Variants in LCP1 observed in about 807,000 individuals in gnomAD.
LCP1 encodes the protein plastin-2.
LCP1 carries 23 observed loss-of-function variants against 72.0 expected under a neutral mutation model. The observed-to-expected ratio is 0.32, with a 90% CI of 0.23 to 0.45. LCP1 has a LOEUF of 0.45. LCP1 is among the 20% of genes least tolerant of loss of function. LCP1 has a pLI of 1.00. For synonymous variants in LCP1, 245 were observed against 275.4 expected, an observed-to-expected ratio of 0.89 and a Z score of 1.09; for missense variants, 571 against 748.3, an observed-to-expected ratio of 0.76 and a Z score of 2.76.
chr13:46,143,837 C>G (rs908108191), intron 11 of LCP1, among the ~76,000 whole-genome samples: 14 of 152,146 alleles, frequency 9.2e-5, no homozygotes, highest in Non-Finnish European at 1.6e-4. Context: ...GAGACCAAGG[C>G]GGGTGGATCA....
chr13:46,178,663 T>G (rs1340136496), intron 1 of LCP1, among the ~76,000 whole-genome samples: 1 of 152,242 alleles, frequency 6.6e-6, no homozygotes, highest in African/African-American at 2.4e-5. Context: ...CTAATGTTTA[T>G]TTCTGCAGTG....
At chr13:46,130,676 CAG>C (rs1171249176) in intron 15 of LCP1, 136 bp downstream of exon 15, 1 of 1,022,830 alleles carries the variant, frequency 9.8e-7, no homozygotes, top group Non-Finnish European at 1.4e-6. Flanking sequence ...GATGAGACTG[CAG>C]AAAGTCATGA....
At chr13:46,156,896 A>G (rs2045805123) in intron 4 of LCP1, among the ~76,000 whole-genome samples, 3 of 149,030 alleles carry the variant, frequency 2.0e-5, no homozygotes, top group Middle Eastern at 3.2e-3. Context: ...ATCTCGGCTC[A>G]CTGCAAGCTC....
chr13:46,142,225 A>C, intron 13 of LCP1, 67 bp downstream of exon 13: 1 of 1,524,266 alleles, frequency 6.6e-7, no homozygotes, highest in Admixed American at 1.7e-5. Flanking sequence ...TACTGCTAAA[A>C]ATTTGCTAAT....
intron 1 of LCP1, among the ~76,000 whole-genome samples, chr13:46,173,708 C>T (rs2045914718): frequency 6.6e-6 from 1 of 152,104 alleles, no homozygotes; most frequent in Non-Finnish European, 1.5e-5. Flanking sequence ...TATTCGGAGT[C>T]CTTGAAGTCA....
intron 13 of LCP1, among the ~76,000 whole-genome samples, chr13:46,136,720 A>T (rs1276168065): frequency 6.6e-6 from 1 of 152,186 alleles, no homozygotes; most frequent in African/African-American, 2.4e-5. Context: ...TTACTGTAAC[A>T]TCTAAGAATT....
chr13:46,172,595 A>C (rs1426632855), intron 1 of LCP1, among the ~76,000 whole-genome samples: 3 of 152,194 alleles, frequency 2.0e-5, no homozygotes, highest in African/African-American at 7.2e-5. Flanking sequence ...ACAGACAGGG[A>C]TGCAGGAGGA....
At chr13:46,172,383 C>T (rs1407460367) in intron 1 of LCP1, among the ~76,000 whole-genome samples, 1 of 151,942 alleles carries the variant, frequency 6.6e-6, no homozygotes, top group South Asian at 2.1e-4. Flanking sequence ...ACTCATGAGG[C>T]TGAGGCAGGA....
At position 46,156,616 on chromosome 13, in the gene LCP1, A is replaced by G. The variant is rs776669735; in HGVS notation, c.359-46T>C. On this transcript the variant is annotated intron_variant, in intron 4 of 15. Transcript: ENST00000323076. ...TGACTCATTTGCAAAGTGAAACTCT[A>G]TTATAAACAAAATTATGCATGTGGA... is the stretch of plus-strand genomic sequence containing the variant. The G allele has an allele frequency of 4.4e-6, 7 of 1,607,686 alleles. No individual in the cohort carries two copies. In the South Asian group the frequency reaches 7.7e-5, roughly 18 times the overall value.
At chr13:46,145,542 T>C (rs1238847405) in intron 10 of LCP1, among the ~76,000 whole-genome samples, 2 of 151,836 alleles carry the variant, frequency 1.3e-5, no homozygotes, top group Non-Finnish European at 2.9e-5. Context: ...TAGGAAGATA[T>C]AGTAGGATCC....
intron 5 of LCP1, among the ~76,000 whole-genome samples, chr13:46,155,225 C>A (rs1209429350): frequency 1.3e-5 from 2 of 152,254 alleles, no homozygotes; most frequent in South Asian, 4.2e-4. Flanking sequence ...ATTTTCTTAG[C>A]CATGAAAATT....
intron 1 of LCP1, among the ~76,000 whole-genome samples, chr13:46,175,688 C>T (rs1392720924): frequency 6.6e-6 from 1 of 152,018 alleles, no homozygotes; most frequent in Non-Finnish European, 1.5e-5. Context: ...GAGGAACAGT[C>T]CCAACATGAA....
At chr13:46,160,790 G>T (rs1472381030) in intron 1 of LCP1, among the ~76,000 whole-genome samples, 2 of 152,216 alleles carry the variant, frequency 1.3e-5, no homozygotes, top group African/African-American at 4.8e-5. Flanking sequence ...TACTGGTGCA[G>T]AGGGGATAAG....
At chr13:46,150,846 G>T in intron 8 of LCP1, 90 bp downstream of exon 8, 4 of 1,400,416 alleles carry the variant, frequency 2.9e-6, no homozygotes, top group Non-Finnish European at 3.9e-6. Flanking sequence ...TCTGAAGAGA[G>T]GAAGCCCCAA....
intron 13 of LCP1, among the ~76,000 whole-genome samples, chr13:46,136,114 A>C (rs868825932): frequency 8.7e-6 from 1 of 114,412 alleles, no homozygotes; most frequent in Admixed American, 8.5e-5. Context: ...CACACACACA[A>C]AGACCTATAC....
chr13:46,159,015 C>A, intron 2 of LCP1, 26 bp from the exon 3 acceptor site: 1 of 1,611,338 alleles, frequency 6.2e-7, no homozygotes, highest in Non-Finnish European at 8.5e-7. Flanking sequence ...TATACTGAAG[C>A]TTCAGGACGA....
At chr13:46,161,557 C>T (rs1000274038) in intron 1 of LCP1, among the ~76,000 whole-genome samples, 3 of 152,156 alleles carry the variant, frequency 2.0e-5, no homozygotes, top group Admixed American at 2.0e-4. Context: ...CCCTCCCTCT[C>T]GTCCTTTTTT....
intron 14 of LCP1, among the ~76,000 whole-genome samples, chr13:46,132,797 G>A (rs1003849285): frequency 1.3e-5 from 2 of 152,108 alleles, no homozygotes; most frequent in African/African-American, 4.8e-5. Context: ...ACAGCAGGTG[G>A]ACACTCCTGC....
intron 1 of LCP1, among the ~76,000 whole-genome samples, chr13:46,159,993 G>C (rs562502728): frequency 3.3e-5 from 5 of 152,294 alleles, no homozygotes; most frequent in South Asian, 2.1e-4. Flanking sequence ...TTGACCATTA[G>C]AGGGTGGTAG....
Sources: allele counts gnomAD v4.1 joint callset (sites outside exome capture counted in the v4.1 genomes callset), GRCh38; gene constraint gnomAD v4.1.1; transcripts MANE v1.5; gene names NCBI Gene and HGNC (gene_info 2026-07-23, HGNC 2026-07-21).